Variants in CXADR observed in about 807,000 individuals in gnomAD.
CXADR encodes the protein coxsackievirus and adenovirus receptor.
Under a neutral mutation model 40.3 loss-of-function variants are expected in CXADR, and 20 were observed. That is an observed-to-expected ratio of 0.50 (90% CI 0.35 to 0.72). CXADR has a LOEUF of 0.72. CXADR is among the 30% of genes least tolerant of loss of function. CXADR has a pLI of 0.01. For synonymous variants in CXADR, 150 were observed against 161.3 expected (o/e 0.93, Z 0.53); for missense variants, 332 against 449.1 (o/e 0.74, Z 2.36).
chr21:17,542,162 C>T (rs2060838344), intron 1 of CXADR: 2 of 192,870 alleles, frequency 1.0e-5, no homozygotes, highest in African/African-American at 4.8e-5. Flanking sequence ...TAAAAATTCT[C>T]ATGTTTACTT....
intron 1 of CXADR, among the ~76,000 whole-genome samples, chr21:17,523,602 G>C (rs945058102): frequency 1.3e-5 from 2 of 152,140 alleles, no homozygotes; most frequent in African/African-American, 4.8e-5. Flanking sequence ...GGAAATAATT[G>C]AGGCTGGGAA....
the CXADR span, among the ~76,000 whole-genome samples, chr21:17,619,350 C>T: frequency 1.7e-4 from 26 of 149,690 alleles, no homozygotes; most frequent in African/African-American, 6.1e-4. Flanking sequence ...AGTTCAAGAC[C>T]AGGAGTTCAA....
the CXADR span, among the ~76,000 whole-genome samples, chr21:17,635,547 T>TGCTTATGAGAATCACTTGG: frequency 2.5e-4 from 38 of 152,330 alleles, no homozygotes; most frequent in African/African-American, 8.9e-4. Context: ...ACTTGGGCAC[T>TGCTTATGAGAATCACTTGG]GCTCAAGCTT....
intron 7 of CXADR, among the ~76,000 whole-genome samples, chr21:17,579,900 C>A (rs992077013): frequency 2.0e-5 from 3 of 151,794 alleles, no homozygotes; most frequent in Non-Finnish European, 4.4e-5. Context: ...AAAAAACAAC[C>A]TTTCCTATTC....
At chr21:17,529,315 G>C (rs62239876) in intron 1 of CXADR, among the ~76,000 whole-genome samples, 17,647 of 151,624 alleles carry the variant, frequency 0.12, 1,237 homozygotes, top group South Asian at 0.2. Flanking sequence ...ACAGGCTTGA[G>C]CCACTGCACC....
chr21:17,608,279 A>G, the CXADR span, among the ~76,000 whole-genome samples: 1 of 152,014 alleles, frequency 6.6e-6, no homozygotes, highest in East Asian at 1.9e-4. Context: ...AGTCTGAGGC[A>G]GTAGGATTGC....
At chr21:17,525,396 A>G (rs2060586607) in intron 1 of CXADR, among the ~76,000 whole-genome samples, 1 of 152,212 alleles carries the variant, frequency 6.6e-6, no homozygotes, top group Admixed American at 6.5e-5. Context: ...TTTCAGAGGA[A>G]GGGTGGATTG....
At chr21:17,517,934 G>GT (rs1901495764) in intron 1 of CXADR, among the ~76,000 whole-genome samples, 1 of 152,138 alleles carries the variant, frequency 6.6e-6, no homozygotes, top group South Asian at 2.1e-4. Context: ...CCAAAGATAT[G>GT]TTACCCATTA....
At chr21:17,541,064 C>T (rs140995220) in intron 1 of CXADR, among the ~76,000 whole-genome samples, 21 of 152,184 alleles carry the variant, frequency 1.4e-4, no homozygotes, top group East Asian at 1.4e-3. Context: ...ACATCTCCCT[C>T]GCTTGTCAAC....
downstream of CXADR, among the ~76,000 whole-genome samples, chr21:17,594,788 AATG>A (rs112482577): frequency 0.083 from 12,651 of 152,000 alleles, 623 homozygotes; most frequent in African/African-American, 0.12. Context: ...AGTGGGAGGT[AATG>A]ATAAGAACTT....
Position 17,569,683 on chromosome 21 carries a change from G to T in CXADR, c.*3991G>T, listed in dbSNP as rs1206640216. ...ATAACCCCAGCCTCTTATTCATTAT[G>T]GTTAACTTTTATAATTTATCTTATT... On this transcript the variant is annotated 3_prime_UTR_variant, in exon 7 of 7. Transcript: ENST00000284878. The T allele has an allele frequency of 1.0e-6, 1 of 969,106 alleles. No homozygotes were observed. Among genetic ancestry groups the T allele is most frequent in the Non-Finnish European group, 1.2e-6 (1 of 815,438 alleles). The allele number at this position is 969,106 out of a possible 1,614,324, so 60.0% of individuals were successfully genotyped here.
At chr21:17,513,782 T>G (rs1403861538) in intron 1 of CXADR, among the ~76,000 whole-genome samples, 2 of 152,186 alleles carry the variant, frequency 1.3e-5, no homozygotes, top group Admixed American at 6.5e-5. Context: ...ACGCGCATTG[T>G]GAAGGAGACC....
the CXADR span, chr21:17,604,020 G>A: frequency 1.3e-6 from 1 of 742,744 alleles, no homozygotes; most frequent in South Asian, 3.4e-5. Context: ...AATGGTTTTT[G>A]AGCAAGTGGA....
chr21:17,545,462 T>C (rs1600993672), intron 1 of CXADR, among the ~76,000 whole-genome samples: 1 of 152,284 alleles, frequency 6.6e-6, no homozygotes, highest in East Asian at 1.9e-4. Flanking sequence ...AGTCTTGCTT[T>C]GTCACCCAGG....
At position 17,551,425 on chromosome 21, in the gene CXADR, G is replaced by A. The variant is rs534882486; in HGVS notation, c.211-324G>A. ...AAAGAAAAGGAAAAGAAAAGACAAC[G>A]AACAAGCAAATCTGTGTTCTTGCCC... On this transcript the variant is annotated intron_variant, in intron 2 of 6. Transcript: ENST00000284878. Among the ~76,000 whole-genome samples, 7 of 152,150 alleles carry A rather than the reference G, an allele frequency of 4.6e-5. No homozygotes were observed. The South Asian group carries it at 8.3e-4, about 18-fold the overall frequency.
chr21:17,548,587 G>A (rs748199139), intron 2 of CXADR, among the ~76,000 whole-genome samples: 2 of 152,136 alleles, frequency 1.3e-5, no homozygotes, highest in Non-Finnish European at 2.9e-5. Flanking sequence ...TGCCTGTCCC[G>A]CTTTAGAGCC....
At chr21:17,616,471 G>T in the CXADR span, among the ~76,000 whole-genome samples, 2 of 151,602 alleles carry the variant, frequency 1.3e-5, no homozygotes, top group Admixed American at 1.3e-4. Context: ...GAGTAGCTGG[G>T]ACTACAGGTG....
chr21:17,600,472 A>T, the CXADR span, among the ~76,000 whole-genome samples: 1 of 152,228 alleles, frequency 6.6e-6, no homozygotes, highest in Non-Finnish European at 1.5e-5. Context: ...TTATTTCTGA[A>T]TCAGAATGGT....
Position 17,547,211 on chromosome 21 carries a change from T to C in CXADR, c.210+18T>C, listed in dbSNP as rs763490384. 1 of 1,613,994 alleles carries C rather than the reference T, an allele frequency of 6.2e-7. No individual in the cohort carries two copies. Among genetic ancestry groups the C allele is most frequent in the Non-Finnish European group, 8.5e-7 (1 of 1,180,000 alleles). On this transcript the variant is annotated intron_variant, in intron 2 of 6. Coordinates refer to ENST00000284878, the MANE Select transcript of CXADR (RefSeq NM_001338.5). ...ATCAAGTGGTAAGTTTGATATGTCC[T>C]TGCTCGCTTAGCAGCTGTCTGTGCA...
Sources: gnomAD v4.1 joint callset for allele counts (sites outside exome capture counted in the v4.1 genomes callset) on GRCh38, gnomAD v4.1.1 for gene constraint, MANE v1.5 for transcripts, NCBI Gene and HGNC (gene_info 2026-07-23, HGNC 2026-07-21) for gene names.